PTPN13: variants seen among roughly 807,000 people sequenced by gnomAD.
PTPN13 encodes the protein protein tyrosine phosphatase non-receptor type 13.
In PTPN13, 191 loss-of-function variants were observed where a neutral mutation model predicts 284.0. The ratio of observed to expected loss-of-function variants is 0.67; its 90% CI spans 0.60 to 0.76. The LOEUF is 0.76. Ranked by LOEUF, PTPN13 falls within the 30% of genes least tolerant of loss-of-function variation. The pLI is 0.00. For synonymous variants in PTPN13, 986 were observed against 1,022.3 expected (o/e 0.96, Z 0.68); for missense variants, 2,797 against 2,939.9 (o/e 0.95, Z 1.12).
rs769333537 is a variant in PTPN13 at position 86,741,755 on chromosome 4, A to G, written c.2426A>G (p.Asn809Ser). 20 of 1,612,950 alleles carry G rather than the reference A, an allele frequency of 1.2e-5. No homozygotes were observed. The East Asian group carries it at 3.6e-4, about 29-fold the overall frequency. The stretch of plus-strand genomic sequence containing the variant: ...GGTGTCCTTGTGTTTGAAGTTCACA[A>G]TGGAGTGCGCACATTGGTCCTTCGC... ...SKGVLVFEVH[N>S]GVRTLVLRFP... is the part of the protein sequence containing the mutation. Residue 809 changes from asparagine (N) to serine (S), a missense_variant, in exon 16 of 48, where the codon AAT (asparagine) becomes AGT (serine). By Grantham distance (46) the Asn-to-Ser change is conservative. Coordinates refer to ENST00000411767, the MANE Select transcript of PTPN13 (RefSeq NM_080683.3).
chr4:86,710,300 TTAAAGG>T (rs1444070783), intron 7 of PTPN13, among the ~76,000 whole-genome samples: 2 of 152,190 alleles, frequency 1.3e-5, no homozygotes, highest in Non-Finnish European at 2.9e-5. Context: ...GGGTCATGTA[TTAAAGG>T]TAAAGAAATG....
chr4:86,805,974 G>A (rs1190013187), intron 44 of PTPN13, among the ~76,000 whole-genome samples: 1 of 151,944 alleles, frequency 6.6e-6, no homozygotes, highest in Non-Finnish European at 1.5e-5. Flanking sequence ...TGGCCAACAT[G>A]GTGAAACCCC....
chr4:86,715,448 C>T (rs1732913464), intron 7 of PTPN13, among the ~76,000 whole-genome samples: 1 of 152,074 alleles, frequency 6.6e-6, no homozygotes, highest in Non-Finnish European at 1.5e-5. Context: ...AGTTGGGAGC[C>T]AGGCGTGGTG....
At chr4:86,732,099 A>C (rs1207430203) in intron 10 of PTPN13, among the ~76,000 whole-genome samples, 1 of 152,170 alleles carries the variant, frequency 6.6e-6, no homozygotes, top group Non-Finnish European at 1.5e-5. Flanking sequence ...TCTGGATGCC[A>C]AATAGTGAAA....
At chr4:86,626,929 G>A (rs1185278379) in intron 1 of PTPN13, among the ~76,000 whole-genome samples, 1 of 152,086 alleles carries the variant, frequency 6.6e-6, no homozygotes, top group East Asian at 1.9e-4. Context: ...AGCATTATGT[G>A]TAATAGCCAA....
At chr4:86,639,019 T>G (rs1387198023) in intron 2 of PTPN13, among the ~76,000 whole-genome samples, 1 of 151,472 alleles carries the variant, frequency 6.6e-6, no homozygotes, top group African/African-American at 2.4e-5. Context: ...GGGCAAAGGA[T>G]ATGAACAGAC....
chr4:86,778,393 G>A (rs1192878949), intron 35 of PTPN13, among the ~76,000 whole-genome samples: 1 of 152,200 alleles, frequency 6.6e-6, no homozygotes, highest in Non-Finnish European at 1.5e-5. Context: ...CATGAGCATG[G>A]CATTAGTGTC....
chr4:86,598,383 G>A (rs556675688), intron 1 of PTPN13, among the ~76,000 whole-genome samples: 5 of 152,042 alleles, frequency 3.3e-5, no homozygotes, highest in Admixed American at 1.3e-4. Flanking sequence ...GACCTCAAGC[G>A]ATCGGCCTGC....
chr4:86,627,530 G>C lies in PTPN13; in HGVS notation c.-5-7722G>C, dbSNP rs1578281597. On this transcript the variant is annotated intron_variant, in intron 1 of 47. Transcript: ENST00000411767. Reference sequence around the variant, plus strand: ...TTGGTTTTTTTTTTTCTTTTTAACAGCTTTATTGAGGCATGTTTGACATAT... The same window carrying C: ...TTGGTTTTTTTTTTTCTTTTTAACACCTTTATTGAGGCATGTTTGACATAT... 3.3e-5 allele frequency among the ~76,000 whole-genome samples: 5 copies of C among 151,130 alleles called. No individual in the cohort carries two copies. The South Asian group carries it at 1.0e-3, about 32-fold the overall frequency.
At chr4:86,668,046 A>T (rs1311516846) in intron 2 of PTPN13, among the ~76,000 whole-genome samples, 1 of 152,200 alleles carries the variant, frequency 6.6e-6, no homozygotes, top group Non-Finnish European at 1.5e-5. Flanking sequence ...TTTGCATATC[A>T]AATTTCTGCT....
intron 2 of PTPN13, among the ~76,000 whole-genome samples, chr4:86,665,179 T>G (rs1402685721): frequency 1.3e-5 from 2 of 152,110 alleles, no homozygotes; most frequent in Admixed American, 6.6e-5. Flanking sequence ...AGCATTCCAG[T>G]GGTTGTGGTT....
chr4:86,758,700 G>A lies in PTPN13; in HGVS notation c.3336G>A (p.Glu1112=), dbSNP rs1404414527. Residue 1112 remains glutamate, a synonymous_variant, in exon 22 of 48, where the codon GAG becomes GAA. Coordinates refer to ENST00000411767, the MANE Select transcript of PTPN13 (RefSeq NM_080683.3). ...YGLGFQIIGG[E]KMGRLDLGIF... ...CAGGATTTCAAATTATTGGTGGGGA[G>A]AAGATGGGAAGACTGGACCTAGGCA... 3 of 1,613,444 alleles carry A rather than the reference G, an allele frequency of 1.9e-6. No individual in the cohort carries two copies. The highest frequency in any genetic ancestry group is 2.5e-6 in the Non-Finnish European group (3 of 1,179,570).
rs1164740368 is a variant in PTPN13 at position 86,735,711 on chromosome 4, G to A, written c.2269G>A (p.Ala757Thr). Residue 757 changes from alanine to threonine, a missense_variant, in exon 15 of 48, where the codon GCT becomes ACT. Physicochemically the swap from Ala to Thr is moderately conservative, Grantham distance 58 (BLOSUM62 0). Transcript: ENST00000411767. ...CAAATTGCATAATACCTATGTGGGA[G>A]CTTCTGAAAAAGAGACAGAGTTAGA... ...LPKLHNTYVG[A>T]SEKETELEFL... is the part of the protein sequence containing the mutation. 1 of 1,611,186 alleles carries A rather than the reference G, an allele frequency of 6.2e-7. No individual in the cohort carries two copies. The highest frequency in any genetic ancestry group is 8.5e-7 in the Non-Finnish European group (1 of 1,179,228).
intron 33 of PTPN13, among the ~76,000 whole-genome samples, 166 bp from the exon 34 acceptor site, chr4:86,775,005 G>C (rs2149285991): frequency 6.6e-6 from 1 of 152,184 alleles, no homozygotes; most frequent in Admixed American, 6.5e-5. Flanking sequence ...TTGTGCCTAT[G>C]ATTTCCATAA....
chr4:86,678,560 A>G (rs1415518300), intron 3 of PTPN13, among the ~76,000 whole-genome samples: 1 of 152,232 alleles, frequency 6.6e-6, no homozygotes, highest in Non-Finnish European at 1.5e-5. Flanking sequence ...CTTATTAGAT[A>G]TCTTCACTGG....
At chr4:86,789,942 A>G (rs1742429793) in intron 40 of PTPN13, among the ~76,000 whole-genome samples, 1 of 150,460 alleles carries the variant, frequency 6.6e-6, no homozygotes. Context: ...AGGTTGCCCC[A>G]CTGTAACTTA....
chr4:86,691,976 A>C (rs1730075949), intron 5 of PTPN13, among the ~76,000 whole-genome samples: 1 of 152,212 alleles, frequency 6.6e-6, no homozygotes, highest in Admixed American at 6.5e-5. Flanking sequence ...TCTGCAAAAT[A>C]GGAATAATAA....
rs181249071 is a variant in PTPN13 at position 86,677,050 on chromosome 4, G to A, written c.294+4507G>A. On this transcript the variant is annotated intron_variant, in intron 3 of 47. Transcript: ENST00000411767. Reference sequence around the variant, plus strand: ...TGGAAGGCCGAAGCGGGCAGATCACGAGGTCAGGAGATCGAGACCATCCTG... The same window carrying A: ...TGGAAGGCCGAAGCGGGCAGATCACAAGGTCAGGAGATCGAGACCATCCTG... Among the ~76,000 whole-genome samples the A allele has an allele frequency of 2.5e-3, 387 of 152,084 alleles. 7 individuals carry two copies. The highest frequency in any genetic ancestry group is 2.9e-4 in the Non-Finnish European group (20 of 68,008).
intron 37 of PTPN13, among the ~76,000 whole-genome samples, chr4:86,783,497 T>C (rs1741563971): frequency 6.6e-6 from 1 of 152,142 alleles, no homozygotes; most frequent in Non-Finnish European, 1.5e-5. Flanking sequence ...ACTTTTGCTG[T>C]TCATGGCTGC....
Sources: allele counts gnomAD v4.1 joint callset (sites outside exome capture counted in the v4.1 genomes callset), GRCh38; gene constraint gnomAD v4.1.1; transcripts MANE v1.5; gene names NCBI Gene and HGNC (gene_info 2026-07-23, HGNC 2026-07-21).